The following ZNF676 variants were observed in gnomAD, a reference collection of about 807,000 sequenced individuals.
ZNF676 encodes the protein zinc finger protein 676.
A neutral mutation model predicts 6.0 loss-of-function variants in ZNF676; 4 were observed. That is an observed-to-expected ratio of 0.67 (90% CI 0.33 to 1.53). The LOEUF (loss-of-function observed/expected upper bound fraction) is 1.53, where lower values mean the gene tolerates loss of function less well. Among genes scored for constraint, ZNF676 ranks in the 40% most tolerant of loss-of-function variants. The pLI is 0.06. For synonymous variants in ZNF676, 198 were observed against 223.1 expected, an observed-to-expected ratio of 0.89 and a Z score of 1.00; for missense variants, 644 against 679.7, an observed-to-expected ratio of 0.95 and a Z score of 0.58.
At chr19:22,203,765 T>G (rs2024049526) in intron 1 of ZNF676, 1 of 152,206 alleles carries the variant, frequency 6.6e-6, no homozygotes, top group South Asian at 2.1e-4. Flanking sequence ...TGGCTAATTC[T>G]GTATTTTTGG....
intron 1 of ZNF676, among the ~76,000 whole-genome samples, chr19:22,193,534 G>A (rs1389709616): frequency 6.6e-6 from 1 of 151,992 alleles, no homozygotes; most frequent in Non-Finnish European, 1.5e-5. Flanking sequence ...CAGGAGTCAG[G>A]TTTTGAGTCT....
intron 2 of ZNF676, among the ~76,000 whole-genome samples, chr19:22,187,590 T>A (rs1297811622): frequency 6.6e-6 from 1 of 150,912 alleles, no homozygotes; most frequent in African/African-American, 2.4e-5. Flanking sequence ...ATTTTTTTTT[T>A]CAAAAAGATC....
chr19:22,247,180 G>GT, the ZNF676 span, among the ~76,000 whole-genome samples: 3 of 152,080 alleles, frequency 2.0e-5, no homozygotes, highest in Non-Finnish European at 2.9e-5. Flanking sequence ...TATAGAAGCA[G>GT]TACAGTCTCT....
upstream of ZNF676, among the ~76,000 whole-genome samples, chr19:22,201,114 T>C (rs559427936): frequency 3.9e-5 from 6 of 152,286 alleles, no homozygotes; most frequent in East Asian, 1.2e-3. Flanking sequence ...CTGGGTTGCC[T>C]GTCCTGATTT....
the ZNF676 span, among the ~76,000 whole-genome samples, chr19:22,257,559 G>A: frequency 6.6e-6 from 1 of 152,284 alleles, no homozygotes; most frequent in South Asian, 2.1e-4. Context: ...GTCCCTGGGG[G>A]CAGAGCCCAT....
chr19:22,185,837 A>G (rs1401086643), intron 2 of ZNF676, among the ~76,000 whole-genome samples: 1 of 152,012 alleles, frequency 6.6e-6, no homozygotes, highest in African/African-American at 2.4e-5. Context: ...TAGAGAAAAA[A>G]GAATAAAGAG....
At chr19:22,186,049 C>T (rs527766676) in intron 2 of ZNF676, among the ~76,000 whole-genome samples, 20 of 152,060 alleles carry the variant, frequency 1.3e-4, no homozygotes, top group Admixed American at 4.6e-4. Flanking sequence ...AGATGCTCCT[C>T]AAGAATAGCA....
At chr19:22,208,919 A>G (rs1365328546) in intron 1 of ZNF676, among the ~76,000 whole-genome samples, 3 of 151,726 alleles carry the variant, frequency 2.0e-5, no homozygotes, top group African/African-American at 7.3e-5. Flanking sequence ...GCAGCCTGGG[A>G]AAGAAAGTGA....
chr19:22,242,082 C>A, the ZNF676 span, among the ~76,000 whole-genome samples: 1 of 151,868 alleles, frequency 6.6e-6, no homozygotes, highest in Non-Finnish European at 1.5e-5. Context: ...GACTCAGGAT[C>A]TTACCCATTT....
chr19:22,190,789 T>C (rs1179756920), intron 2 of ZNF676, among the ~76,000 whole-genome samples: 13 of 151,082 alleles, frequency 8.6e-5, no homozygotes, highest in African/African-American at 2.7e-4. Flanking sequence ...ATTTGAAATA[T>C]AAAAATACTG....
chr19:22,216,674 G>C (rs562146218), upstream of ZNF676, among the ~76,000 whole-genome samples: 23 of 151,024 alleles, frequency 1.5e-4, no homozygotes, highest in African/African-American at 5.4e-4. Flanking sequence ...TGCCAGGCTA[G>C]AGTGCAATGG....
the ZNF676 span, among the ~76,000 whole-genome samples, chr19:22,233,788 T>C: frequency 1.3e-5 from 2 of 152,204 alleles, no homozygotes; most frequent in South Asian, 4.1e-4. Flanking sequence ...TATTGGGCAA[T>C]GACAGGGGTA....
intron 1 of ZNF676, among the ~76,000 whole-genome samples, chr19:22,213,140 A>C (rs1007197834): frequency 1.3e-5 from 2 of 152,190 alleles, no homozygotes; most frequent in Non-Finnish European, 2.9e-5. Context: ...TGTTCACTTA[A>C]GTGCTCAATA....
the ZNF676 span, among the ~76,000 whole-genome samples, chr19:22,255,640 T>C: frequency 9.2e-5 from 14 of 152,024 alleles, no homozygotes; most frequent in East Asian, 3.9e-4. Context: ...AGTCAGGAGA[T>C]CGAGACCATC....
chr19:22,190,664 T>TATATATAC (rs1157566142), intron 2 of ZNF676, among the ~76,000 whole-genome samples: 205 of 111,756 alleles, frequency 1.8e-3, no homozygotes, highest in African/African-American at 2.8e-3. Flanking sequence ...TATATATATA[T>TATATATAC]ACATACACAC....
chr19:22,257,817 T>C, the ZNF676 span, among the ~76,000 whole-genome samples: 2 of 152,198 alleles, frequency 1.3e-5, no homozygotes, highest in Non-Finnish European at 2.9e-5. Context: ...ACCTAGGTGA[T>C]GAGCTCAGAG....
chr19:22,250,819 C>T, the ZNF676 span, among the ~76,000 whole-genome samples: 9 of 152,106 alleles, frequency 5.9e-5, no homozygotes. Context: ...TCAAGTGATC[C>T]TCCTGCCTCA....
At chr19:22,214,245 C>T (rs1415521419) in intron 1 of ZNF676, among the ~76,000 whole-genome samples, 2 of 152,152 alleles carry the variant, frequency 1.3e-5, no homozygotes, top group African/African-American at 4.8e-5. Flanking sequence ...AACAGCAGTT[C>T]CCTGTGGGGT....
chr19:22,236,230 G>A, the ZNF676 span, among the ~76,000 whole-genome samples: 1,489 of 149,968 alleles, frequency 9.9e-3, 23 homozygotes, highest in African/African-American at 0.033. Context: ...TACTACTCAG[G>A]GAGCCAATGT....
Sources: allele counts gnomAD v4.1 joint callset (sites outside exome capture counted in the v4.1 genomes callset), GRCh38; gene constraint gnomAD v4.1.1; transcripts MANE v1.5; gene names NCBI Gene and HGNC (gene_info 2026-07-23, HGNC 2026-07-21).